Variants in HYCC2 observed in about 807,000 individuals in gnomAD.
The protein encoded by HYCC2 is hyccin PI4KA lipid kinase complex subunit 2.
At chr2:201,007,524 A>G in the HYCC2 span, among the ~76,000 whole-genome samples, 1 of 152,240 alleles carries the variant, frequency 6.6e-6, no homozygotes, top group Non-Finnish European at 1.5e-5. Context: ...GTAAAGTTGA[A>G]AAACCTTAAG....
At chr2:201,049,082 C>T in the HYCC2 span, among the ~76,000 whole-genome samples, 1 of 150,724 alleles carries the variant, frequency 6.6e-6, no homozygotes, top group African/African-American at 2.4e-5. Flanking sequence ...CATGATCATA[C>T]CACTGCACTC....
chr2:201,020,039 G>C, the HYCC2 span, among the ~76,000 whole-genome samples: 1 of 151,980 alleles, frequency 6.6e-6, no homozygotes, highest in South Asian at 2.1e-4. Context: ...AGCTATAATG[G>C]TGCCACTGTA....
chr2:201,070,047 G>A, the HYCC2 span, among the ~76,000 whole-genome samples: 1 of 152,060 alleles, frequency 6.6e-6, no homozygotes, highest in African/African-American at 2.4e-5. Context: ...TTACATTTTA[G>A]AAATTTATAA....
chr2:201,003,465 CT>C, the HYCC2 span, among the ~76,000 whole-genome samples: 1 of 152,118 alleles, frequency 6.6e-6, no homozygotes, highest in South Asian at 2.1e-4. Flanking sequence ...AATCCCAGCA[CT>C]TTGGGAGGCT....
chr2:201,054,488 G>A, the HYCC2 span, among the ~76,000 whole-genome samples: 9 of 152,130 alleles, frequency 5.9e-5, no homozygotes, highest in Non-Finnish European at 1.0e-4. Context: ...CTTCCTGCTA[G>A]GACAAGAAGT....
At chr2:201,011,344 G>T in the HYCC2 span, 2 of 1,085,636 alleles carry the variant, frequency 1.8e-6, no homozygotes, top group Non-Finnish European at 2.7e-6. Context: ...TTTTTGATTT[G>T]TTACTCAATA....
the HYCC2 span, among the ~76,000 whole-genome samples, chr2:200,990,492 C>T: frequency 6.6e-6 from 1 of 152,104 alleles, no homozygotes; most frequent in Non-Finnish European, 1.5e-5. Flanking sequence ...ACCTCTGCCT[C>T]CCAGGTTCAA....
chr2:200,984,998 C>CAG, the HYCC2 span, among the ~76,000 whole-genome samples: 1 of 152,100 alleles, frequency 6.6e-6, no homozygotes, highest in Non-Finnish European at 1.5e-5. Flanking sequence ...GTTGTCCTAG[C>CAG]TACTGAGAAG....
At chr2:201,008,352 C>T in the HYCC2 span, among the ~76,000 whole-genome samples, 1 of 152,214 alleles carries the variant, frequency 6.6e-6, no homozygotes, top group Non-Finnish European at 1.5e-5. Context: ...ATGACCATAA[C>T]ATAATACCAA....
the HYCC2 span, chr2:201,009,526 C>T: frequency 6.5e-6 from 1 of 154,844 alleles, no homozygotes; most frequent in Non-Finnish European, 1.4e-5. Context: ...GTGGCACAAT[C>T]TTTGCTCACT....
the HYCC2 span, among the ~76,000 whole-genome samples, chr2:200,987,962 T>C: frequency 6.0e-4 from 92 of 152,320 alleles, no homozygotes; most frequent in Non-Finnish European, 1.2e-3. Flanking sequence ...CCTTTTTTTT[T>C]CCAGTATGGT....
the HYCC2 span, among the ~76,000 whole-genome samples, chr2:201,056,015 C>T: frequency 1.2e-4 from 18 of 152,112 alleles, no homozygotes; most frequent in South Asian, 2.1e-4. Flanking sequence ...GGTGAAACCC[C>T]GTCTCTACTA....
chr2:201,014,094 G>A, the HYCC2 span, among the ~76,000 whole-genome samples: 1 of 152,134 alleles, frequency 6.6e-6, no homozygotes, highest in Non-Finnish European at 1.5e-5. Flanking sequence ...ATTTTGCACT[G>A]TCAAAAGATA....
chr2:201,059,087 G>A, the HYCC2 span, among the ~76,000 whole-genome samples: 3 of 152,140 alleles, frequency 2.0e-5, no homozygotes, highest in Non-Finnish European at 2.9e-5. Context: ...CTGAGTGACT[G>A]CTACTATGTT....
chr2:200,988,818 G>A, the HYCC2 span, among the ~76,000 whole-genome samples: 1 of 152,040 alleles, frequency 6.6e-6, no homozygotes, highest in Non-Finnish European at 1.5e-5. Flanking sequence ...AATACTTCTG[G>A]CATTTTGTCC....
chr2:201,031,608 G>A, the HYCC2 span, among the ~76,000 whole-genome samples: 1 of 152,110 alleles, frequency 6.6e-6, no homozygotes, highest in South Asian at 2.1e-4. Flanking sequence ...CCGAGACAGC[G>A]CCATTGCACT....
chr2:201,004,445 C>T, the HYCC2 span, among the ~76,000 whole-genome samples: 2 of 152,162 alleles, frequency 1.3e-5, no homozygotes, highest in Non-Finnish European at 2.9e-5. Flanking sequence ...TTTTTGTACC[C>T]TCTGAGGCAT....
the HYCC2 span, among the ~76,000 whole-genome samples, chr2:200,990,160 C>T: frequency 6.6e-6 from 1 of 152,018 alleles, no homozygotes; most frequent in Non-Finnish European, 1.5e-5. Context: ...TGTTTTTATT[C>T]CTTTGCAATT....
chr2:201,049,658 T>C, the HYCC2 span, among the ~76,000 whole-genome samples: 9 of 150,272 alleles, frequency 6.0e-5, no homozygotes, highest in East Asian at 1.8e-3. Context: ...TGGCAAAAAT[T>C]TGAATTCTTT....
Sources: allele counts gnomAD v4.1 joint callset (sites outside exome capture counted in the v4.1 genomes callset), GRCh38; gene constraint gnomAD v4.1.1; transcripts MANE v1.5; gene names NCBI Gene and HGNC (gene_info 2026-07-23, HGNC 2026-07-21).